CNTN5: variants seen among roughly 807,000 people sequenced by gnomAD.
CNTN5 encodes contactin 5.
A neutral mutation model predicts 129.1 loss-of-function variants in CNTN5; 77 were observed. That is an observed-to-expected ratio of 0.60 (90% CI 0.50 to 0.72). The LOEUF (loss-of-function observed/expected upper bound fraction) is 0.72, where lower values mean the gene tolerates loss of function less well. Among genes scored for constraint, CNTN5 ranks in the 30% least tolerant of loss-of-function variants. CNTN5 has a pLI of 0.00. For missense variants in CNTN5, 1,478 were observed against 1,328.8 expected, an observed-to-expected ratio of 1.11 and a Z score of -1.75; for synonymous variants, 509 against 465.6, an observed-to-expected ratio of 1.09 and a Z score of -1.20.
intron 3 of CNTN5, among the ~76,000 whole-genome samples, chr11:99,804,175 A>G (rs1346772969): frequency 6.6e-6 from 1 of 152,106 alleles, no homozygotes; most frequent in Non-Finnish European, 1.5e-5. Context: ...AATTTATAAA[A>G]TTAAATATGA....
intron 9 of CNTN5, among the ~76,000 whole-genome samples, chr11:100,009,235 G>A (rs1482948798): frequency 6.6e-6 from 1 of 152,026 alleles, no homozygotes. Flanking sequence ...ACAGGCTGCT[G>A]GAGCAGAACT....
intron 17 of CNTN5, among the ~76,000 whole-genome samples, chr11:100,258,704 A>G (rs1591445116): frequency 6.6e-6 from 1 of 152,340 alleles, no homozygotes; most frequent in East Asian, 1.9e-4. Flanking sequence ...TAAGCTTTAT[A>G]AGCAAAGGAG....
chr11:99,869,603 T>C (rs1304350646), intron 6 of CNTN5, among the ~76,000 whole-genome samples: 1 of 152,156 alleles, frequency 6.6e-6, no homozygotes, highest in Non-Finnish European at 1.5e-5. Context: ...ATTGTAAATA[T>C]ATAGCAGAAA....
rs377712103 is a variant in CNTN5 at position 99,252,357 on chromosome 11, CA to C, written c.-209-72982del. Among the ~76,000 whole-genome samples the C allele has an allele frequency of 2.0e-5, 3 of 151,658 alleles. No homozygotes were observed. The East Asian group carries it at 5.8e-4, about 29-fold the overall frequency. On this transcript the variant is annotated intron_variant, in intron 1 of 24. Transcript: ENST00000524871. ...AACAAACACACAAACAAAAAACACA[CA>C]AAAAAACCCCAAAATCACATCTCCA...
chr11:100,000,035 A>T (rs1400138239), intron 8 of CNTN5, among the ~76,000 whole-genome samples: 1 of 151,728 alleles, frequency 6.6e-6, no homozygotes, highest in Non-Finnish European at 1.5e-5. Context: ...GAGGGATAAC[A>T]TTAGGAGATA....
At chr11:99,310,056 G>A (rs1865044511) in intron 1 of CNTN5, among the ~76,000 whole-genome samples, 1 of 152,102 alleles carries the variant, frequency 6.6e-6, no homozygotes, top group Non-Finnish European at 1.5e-5. Flanking sequence ...TTACAGTGTT[G>A]ACTGAGATGA....
At chr11:99,369,937 T>C (rs1045991215) in intron 2 of CNTN5, among the ~76,000 whole-genome samples, 2 of 152,150 alleles carry the variant, frequency 1.3e-5, no homozygotes, top group South Asian at 2.1e-4. Flanking sequence ...TTAAAACTTC[T>C]GTGAGGACAG....
intron 9 of CNTN5, among the ~76,000 whole-genome samples, chr11:100,045,477 G>GA (rs927682139): frequency 6.6e-6 from 1 of 152,016 alleles, no homozygotes; most frequent in African/African-American, 2.4e-5. Context: ...TTACCATGGA[G>GA]AAAATATAAA....
chr11:99,991,423 C>A (rs184945604), intron 8 of CNTN5, among the ~76,000 whole-genome samples: 1 of 152,218 alleles, frequency 6.6e-6, no homozygotes, highest in Non-Finnish European at 1.5e-5. Context: ...GCCGAGATTG[C>A]ACCACTGCAC....
chr11:99,609,643 G>A (rs1033325105), intron 3 of CNTN5, among the ~76,000 whole-genome samples: 1 of 152,052 alleles, frequency 6.6e-6, no homozygotes, highest in African/African-American at 2.4e-5. Context: ...AGGAACATAG[G>A]AACAGATTCT....
rs149555901 is a variant in CNTN5, at chr11:99,952,342, A to G, written c.674-4464A>G. Among the ~76,000 whole-genome samples, 230 of 152,290 alleles carry G rather than the reference A, an allele frequency of 1.5e-3. 1 individual carries two copies. Among genetic ancestry groups the G allele is most frequent in the Middle Eastern group, 0.01 (3 of 294 alleles). Reference sequence around the variant, plus strand: ...GTGTCTTCACTTCAATTAAGTCATCATGAAAGAGAGGAGATGAGTCATAAT... The same window carrying G: ...GTGTCTTCACTTCAATTAAGTCATCGTGAAAGAGAGGAGATGAGTCATAAT... On this transcript the variant is annotated intron_variant, in intron 7 of 24. Coordinates refer to ENST00000524871, the MANE Select transcript of CNTN5 (RefSeq NM_014361.4).
intron 1 of CNTN5, among the ~76,000 whole-genome samples, chr11:99,158,003 G>A (rs1332956714): frequency 6.6e-6 from 1 of 152,120 alleles, no homozygotes; most frequent in East Asian, 1.9e-4. Flanking sequence ...CTACCTTTGT[G>A]TTATGCTAAA....
chr11:100,171,791 G>A (rs1947834137), intron 13 of CNTN5, among the ~76,000 whole-genome samples: 3 of 151,842 alleles, frequency 2.0e-5, no homozygotes, highest in Admixed American at 1.3e-4. Context: ...AGGGGAAAAC[G>A]AAGGAATGTA....
intron 3 of CNTN5, among the ~76,000 whole-genome samples, chr11:99,687,963 C>T (rs1353441145): frequency 6.6e-6 from 1 of 152,142 alleles, no homozygotes; most frequent in Non-Finnish European, 1.5e-5. Context: ...TTCTGAACTA[C>T]AGCTTTGAAT....
intron 2 of CNTN5, among the ~76,000 whole-genome samples, chr11:99,467,598 T>G (rs892319876): frequency 3.9e-5 from 6 of 152,134 alleles, no homozygotes; most frequent in Non-Finnish European, 8.8e-5. Context: ...TTTCAAAATT[T>G]TAATTACTCT....
At chr11:99,318,231 A>G (rs1865427521) in intron 1 of CNTN5, among the ~76,000 whole-genome samples, 1 of 152,190 alleles carries the variant, frequency 6.6e-6, no homozygotes, top group South Asian at 2.1e-4. Context: ...ATAATTAAGC[A>G]CAATTCAATC....
intron 1 of CNTN5, among the ~76,000 whole-genome samples, chr11:99,247,261 A>G (rs1861858832): frequency 6.6e-6 from 1 of 152,124 alleles, no homozygotes; most frequent in Non-Finnish European, 1.5e-5. Context: ...ATTTAAAGAT[A>G]TAATTTGTTT....
At chr11:99,025,560 A>C (rs1591063424) in intron 1 of CNTN5, among the ~76,000 whole-genome samples, 1 of 151,876 alleles carries the variant, frequency 6.6e-6, no homozygotes, top group East Asian at 1.9e-4. Context: ...TATATAGGTG[A>C]TAAAAAGTTG....
intron 1 of CNTN5, among the ~76,000 whole-genome samples, chr11:99,290,353 A>G (rs544933357): frequency 1.1e-4 from 17 of 151,836 alleles, no homozygotes; most frequent in Non-Finnish European, 2.4e-4. Context: ...ATTACTATTT[A>G]TATTCATATA....
Sources: allele counts gnomAD v4.1 joint callset (sites outside exome capture counted in the v4.1 genomes callset), GRCh38; gene constraint gnomAD v4.1.1; transcripts MANE v1.5; gene names NCBI Gene and HGNC (gene_info 2026-07-23, HGNC 2026-07-21).